Variants in APOB observed in about 807,000 individuals in gnomAD.
APOB encodes apolipoprotein B.
A neutral mutation model predicts 314.1 loss-of-function variants in APOB; 153 were observed. The ratio of observed to expected loss-of-function variants is 0.49; its 90% CI spans 0.43 to 0.56. APOB has a LOEUF of 0.56. Ranked by LOEUF, APOB falls within the 20% of genes least tolerant of loss-of-function variation. The probability of loss-of-function intolerance (pLI) is 0.00; values close to 1 mark genes in which losing one functional copy is unlikely to be tolerated. For missense variants in APOB, 5,430 were observed against 5,350.7 expected, an observed-to-expected ratio of 1.01 and a Z score of -0.46; for synonymous variants, 2,087 against 2,036.4, an observed-to-expected ratio of 1.02 and a Z score of -0.67.
intron 18 of APOB, among the ~76,000 whole-genome samples, chr2:21,021,381 C>T (rs1558569511): frequency 2.0e-5 from 3 of 152,192 alleles, no homozygotes; most frequent in Non-Finnish European, 1.5e-5. Context: ...CACATAGGAT[C>T]GTAAGAGATG....
chr2:21,015,052 G>T (rs1206474914), intron 23 of APOB, 21 bp downstream of exon 23: 1 of 1,608,168 alleles, frequency 6.2e-7, no homozygotes, highest in South Asian at 1.1e-5. Flanking sequence ...TGTATTTATT[G>T]ACTGGCAGAC....
chr2:21,014,741 A>G (rs1172386980), intron 23 of APOB, 148 bp from the exon 24 acceptor site: 6 of 833,854 alleles, frequency 7.2e-6, no homozygotes, highest in South Asian at 1.7e-5. Flanking sequence ...AAAATTATGA[A>G]TCTTCGTTGC....
Position 21,001,635 on chromosome 2 carries a change from G to T in APOB, c.*95C>A. The T allele has an allele frequency of 3.9e-6, 5 of 1,285,710 alleles. No individual in the cohort carries two copies. Among genetic ancestry groups the T allele is most frequent in the Non-Finnish European group, 5.6e-6 (5 of 897,388 alleles). The allele number at this position is 1,285,710 out of a possible 1,614,324, so 79.6% of individuals were successfully genotyped here. On this transcript the variant is annotated 3_prime_UTR_variant, in exon 29 of 29. Coordinates refer to ENST00000233242, the MANE Select transcript of APOB (RefSeq NM_000384.3). ...CTGCCTACTGCAAGGCTGGCTCACT[G>T]TATGGTTTTATCAATATAGGCAGTT...
chr2:21,025,482 A>C (rs1663707231), intron 15 of APOB, among the ~76,000 whole-genome samples: 1 of 152,186 alleles, frequency 6.6e-6, no homozygotes, highest in African/African-American at 2.4e-5. Flanking sequence ...TGACCAGTGA[A>C]GACTACAAGG....
chr2:21,009,570 T>G lies in APOB; in HGVS notation c.7298A>C (p.His2433Pro), dbSNP rs747588681. Residue 2433 changes from histidine to proline, a missense_variant, in exon 26 of 29, where the codon CAC becomes CCC. Around this residue, in one of 3 missense-constraint regions of APOB, gnomAD observed 3,281 missense variants for 3,171.0 expected, o/e 1.03. Coordinates refer to ENST00000233242, the MANE Select transcript of APOB (RefSeq NM_000384.3). ...GTCATTGGTTTCATCTACAAACTGGTGGTAATCAAATGACTTTAATTTCTT... is the reference window on the plus strand; with the variant it reads ...GTCATTGGTTTCATCTACAAACTGGGGGTAATCAAATGACTTTAATTTCTT... ...LIKKLKSFDYHQFVDETNDKI... is the reference protein window; with the variant it reads ...LIKKLKSFDYPQFVDETNDKI... 1 of 1,613,912 alleles carries G rather than the reference T, an allele frequency of 6.2e-7. No individual in the cohort carries two copies. Among genetic ancestry groups the G allele is most frequent in the Non-Finnish European group, 8.5e-7 (1 of 1,179,952 alleles).
At position 21,023,398 on chromosome 2, in the gene APOB, T is replaced by A. The variant is rs1663661544; in HGVS notation, c.2604+127A>T. ...CTTGAAGTTTTTCATAAAAAAATAA[T>A]GAGGTGATTACAATGATGAAGCATT... On this transcript the variant is annotated intron_variant, in intron 17 of 28. Coordinates refer to ENST00000233242, the MANE Select transcript of APOB (RefSeq NM_000384.3). 8 of 1,120,844 alleles carry A rather than the reference T, an allele frequency of 7.1e-6. No individual in the cohort carries two copies. The South Asian group carries it at 1.0e-4, about 15-fold the overall frequency. 69.4% of individuals were successfully genotyped at this position (1,120,844 alleles called of 1,614,324 possible).
intron 4 of APOB, among the ~76,000 whole-genome samples, chr2:21,039,993 CT>C (rs1364194525): frequency 6.6e-6 from 1 of 152,194 alleles, no homozygotes; most frequent in Non-Finnish European, 1.5e-5. Context: ...TCTCGTAGCT[CT>C]CATAATTCCC....
At chr2:21,042,330 T>A in intron 3 of APOB, 31 bp downstream of exon 3, 1 of 1,558,588 alleles carries the variant, frequency 6.4e-7, no homozygotes, top group South Asian at 1.1e-5. Context: ...AGCTGTGGGC[T>A]CTAGGTCCCT....
In APOB at chr2:21,004,905, A is replaced by G. The variant is rs146347738; in HGVS notation, c.11788+175T>C. 4.6e-5 allele frequency among the ~76,000 whole-genome samples: 7 copies of G among 152,348 alleles called. No homozygotes were observed. The East Asian group carries it at 1.2e-3, about 25-fold the overall frequency. ...AAAGCTGTTTGTCTTGAATGACACT[A>G]GATTTTCTACAGTTTGGTTTTTACG... On this transcript the variant is annotated intron_variant, in intron 26 of 28. Transcript: ENST00000233242.
Position 21,041,077 on chromosome 2 carries a change from G to A in APOB, c.244C>T (p.Leu82=), listed in dbSNP as rs201658954. 337 of 1,611,728 alleles carry A rather than the reference G, an allele frequency of 2.1e-4. 1 individual carries two copies. Among genetic ancestry groups the A allele is most frequent in the Non-Finnish European group, 2.5e-4 (294 of 1,179,614 alleles). The change falls in exon 4 of 29, where the codon CTG becomes TTG. Residue 82 remains leucine, a synonymous_variant. Coordinates refer to ENST00000233242, the MANE Select transcript of APOB (RefSeq NM_000384.3). ...AAGCTGCAGAGCTGGGGAACCTCCA[G>A]CTCAACCTGAGAATTCAGGGTAGCA... ...SATRINCKVE[L]EVPQLCSFIL...
Position 21,005,963 on chromosome 2 carries a change from A to C in APOB, c.10905T>G (p.Asn3635Lys). 1 of 1,613,800 alleles carries C rather than the reference A, an allele frequency of 6.2e-7. No homozygotes were observed. Among genetic ancestry groups the C allele is most frequent in the Non-Finnish European group, 8.5e-7 (1 of 1,179,926 alleles). ...NTKNQKIRWKNEVRIHSGSFQ... is the reference protein window; with the variant it reads ...NTKNQKIRWKKEVRIHSGSFQ... Reference sequence around the variant, plus strand: ...AAGACCCAGAATGAATCCGGACTTCATTTTTCCATCTGATCTTCTGGTTCT... The same window carrying C: ...AAGACCCAGAATGAATCCGGACTTCCTTTTTCCATCTGATCTTCTGGTTCT... Residue 3635 changes from asparagine (N) to lysine (K), a missense_variant, in exon 26 of 29, where the codon AAT becomes AAG. Transcript: ENST00000233242.
At chr2:21,022,296 T>C (rs1428224724) in intron 18 of APOB, among the ~76,000 whole-genome samples, 3 of 152,108 alleles carry the variant, frequency 2.0e-5, no homozygotes, top group Non-Finnish European at 2.9e-5. Context: ...AATGAACACA[T>C]GAATGTGTCT....
rs61736761 is a variant in APOB at position 21,015,135 on chromosome 2, G to A, written c.3634C>T (p.Leu1212=). 2 of 1,614,170 alleles carry A rather than the reference G, an allele frequency of 1.2e-6. No individual in the cohort carries two copies. The highest frequency in any genetic ancestry group is 4.5e-5 in the East Asian group (2 of 44,890). ...KSLHMYANRL[L]DHRVPQTDMT... The stretch of plus-strand genomic sequence containing the variant: ...TCTGTTTGAGGGACTCTGTGATCCA[G>A]GAGTCTATTAGCATACATATGCAAG... The change falls in exon 23 of 29, where the codon CTG becomes TTG. Residue 1212 remains leucine (L), a synonymous_variant. Transcript: ENST00000233242.
chr2:21,020,032 T>C, intron 18 of APOB, 127 bp from the exon 19 acceptor site: 1 of 820,136 alleles, frequency 1.2e-6, no homozygotes, highest in East Asian at 2.5e-5. Flanking sequence ...TCTCTAACTA[T>C]TTAATTTACT....
rs754627642 is a variant in APOB, at chr2:21,011,708, A to C, written c.5160T>G (p.Gly1720=). 1 of 1,614,172 alleles carries C rather than the reference A, an allele frequency of 6.2e-7. No individual in the cohort carries two copies. Among genetic ancestry groups the C allele is most frequent in the Non-Finnish European group, 8.5e-7 (1 of 1,180,038 alleles). Residue 1720 remains glycine, a synonymous_variant, in exon 26 of 29, where the codon GGT becomes GGG. Transcript: ENST00000233242. ...LGSAYQAMIL[G]VDSKNIFNFK... The stretch of plus-strand genomic sequence containing the variant: ...AGTTGAAAATGTTTTTGCTGTCGAC[A>C]CCCAGAATCATGGCCTGATAAGCAC...
chr2:21,028,403 G>T lies in APOB; in HGVS notation c.1753C>A (p.Gln585Lys), dbSNP rs140101603. The change falls in exon 13 of 29, where the codon CAG (glutamine) becomes AAG (lysine). Residue 585 changes from glutamine to lysine, a missense_variant. Physicochemically the swap from Gln to Lys is moderately conservative, Grantham distance 53 (BLOSUM62 1). Transcript: ENST00000233242. ...ACAAAGTTCTTCACTTGCTCATTCT[G>T]TTCCCATGGTAGAATTTGGACAATT... ...NKIVQILPWE[Q>K]NEQVKNFVAS... 25 of 1,614,046 alleles carry T rather than the reference G, an allele frequency of 1.5e-5. No homozygotes were observed. Among genetic ancestry groups the T allele is most frequent in the Non-Finnish European group, 2.1e-5 (25 of 1,180,022 alleles).
At chr2:21,037,396 G>C in intron 5 of APOB, 141 bp from the exon 6 acceptor site, 1 of 990,890 alleles carries the variant, frequency 1.0e-6, no homozygotes, top group Non-Finnish European at 1.5e-6. Flanking sequence ...TTCCTATGCA[G>C]AGTGTGGTCT....
At position 21,012,504 on chromosome 2, in the gene APOB, A is replaced by T. The variant is rs756610684; in HGVS notation, c.4364T>A (p.Phe1455Tyr). The change falls in exon 26 of 29, where the codon TTC becomes TAC. Residue 1455 changes from phenylalanine (F) to tyrosine (Y), a missense_variant. By Grantham distance (22) the Phe-to-Tyr change is conservative. Coordinates refer to ENST00000233242, the MANE Select transcript of APOB (RefSeq NM_000384.3). ...TGGTCCCCAGGAACTAGATGCATCG[A>T]ATATTAGTAAACCTTTTGAGACTGG... ...NNPVSKGLLI[F>Y]DASSSWGPQM... 1 of 1,614,224 alleles carries T rather than the reference A, an allele frequency of 6.2e-7. No individual in the cohort carries two copies. The highest frequency in any genetic ancestry group is 2.2e-5 in the East Asian group (1 of 44,890).
chr2:21,033,713 T>A (rs1663936144), intron 8 of APOB, among the ~76,000 whole-genome samples, 195 bp from the exon 9 acceptor site: 1 of 152,162 alleles, frequency 6.6e-6, no homozygotes. Flanking sequence ...CCTATCCCTG[T>A]GGGGTGGCAT....
Sources: gnomAD v4.1 joint callset for allele counts (sites outside exome capture counted in the v4.1 genomes callset) on GRCh38, gnomAD v4.1.1 for gene constraint, gnomAD v4.1.1 regional missense constraint, MANE v1.5 for transcripts, NCBI Gene and HGNC (gene_info 2026-07-23, HGNC 2026-07-21) for gene names.